GLCCI1: variants seen among roughly 807,000 people sequenced by gnomAD.
GLCCI1 encodes glucocorticoid-induced transcript 1 protein.
GLCCI1 carries 24 observed loss-of-function variants against 52.2 expected under a neutral mutation model. That is an observed-to-expected ratio of 0.46 (90% CI 0.33 to 0.65). The LOEUF (loss-of-function observed/expected upper bound fraction) is 0.65. GLCCI1 is among the 30% of genes least tolerant of loss of function. The pLI, the probability that GLCCI1 is intolerant of heterozygous loss-of-function variation, is 0.02. For synonymous variants in GLCCI1, 310 were observed against 276.5 expected (o/e 1.12, Z -1.20); for missense variants, 704 against 701.5 (o/e 1.00, Z -0.04).
chr7:8,075,974 G>GA (rs113970886), intron 6 of GLCCI1, among the ~76,000 whole-genome samples: 2,399 of 152,164 alleles, frequency 0.016, 61 homozygotes, highest in African/African-American at 0.052. Context: ...GGTCTTAGGA[G>GA]AAAAAAATCA....
At chr7:8,050,627 T>G (rs1782235709) in intron 3 of GLCCI1, among the ~76,000 whole-genome samples, 1 of 152,176 alleles carries the variant, frequency 6.6e-6, no homozygotes, top group African/African-American at 2.4e-5. Context: ...TCAGTGATTG[T>G]TTTAGGGAAG....
At chr7:8,017,916 T>C (rs528522736) in intron 2 of GLCCI1, among the ~76,000 whole-genome samples, 44 of 152,158 alleles carry the variant, frequency 2.9e-4, no homozygotes, top group Non-Finnish European at 5.6e-4. Flanking sequence ...CAAAATAATA[T>C]TTAAAGAAGT....
chr7:8,077,141 T>C (rs1020076540), intron 6 of GLCCI1, among the ~76,000 whole-genome samples: 1 of 152,184 alleles, frequency 6.6e-6, no homozygotes, highest in African/African-American at 2.4e-5. Context: ...CTGTTGGTCA[T>C]GCTGGTAACC....
At position 7,969,738 on chromosome 7, in the gene GLCCI1, C is replaced by G; in HGVS notation, c.388C>G (p.Arg130Gly). 6.9e-7 allele frequency: 1 copy of G among 1,453,594 alleles called. No homozygotes were observed. Among genetic ancestry groups the G allele is most frequent in the Admixed American group, 2.3e-5 (1 of 42,648 alleles). 90.0% of individuals were successfully genotyped at this position (1,453,594 alleles called of 1,614,324 possible). Residue 130 changes from arginine to glycine, a missense_variant, in exon 1 of 8, where the codon CGG (arginine) becomes GGG (glycine). Physicochemically the swap from Arg to Gly is moderately radical, Grantham distance 125. Coordinates refer to ENST00000223145, the MANE Select transcript of GLCCI1 (RefSeq NM_138426.4). This position sits in a 1 kb window ranked among gnomAD's most constrained non-coding sequence, Gnocchi z 4.9. ...QAPRAKGRPRRSPESHRRSSS... is the reference protein window; with the variant it reads ...QAPRAKGRPRGSPESHRRSSS... Reference sequence around the variant, plus strand: ...GCCGCGGGCCAAGGGCCGCCCGAGACGGTCCCCAGAGAGCCACCGGAGGAG... The same window carrying G: ...GCCGCGGGCCAAGGGCCGCCCGAGAGGGTCCCCAGAGAGCCACCGGAGGAG...
chr7:8,048,034 TC>T (rs1238099860), intron 3 of GLCCI1, among the ~76,000 whole-genome samples: 1 of 152,196 alleles, frequency 6.6e-6, no homozygotes, highest in African/African-American at 2.4e-5. Context: ...AGTCTCTATT[TC>T]TGACCTCTGT....
intron 3 of GLCCI1, among the ~76,000 whole-genome samples, chr7:8,049,812 A>C (rs1782217497): frequency 6.6e-6 from 1 of 152,218 alleles, no homozygotes; most frequent in East Asian, 1.9e-4. Flanking sequence ...AGAGGTTACA[A>C]ATGAAAGCTG....
intron 6 of GLCCI1, among the ~76,000 whole-genome samples, chr7:8,075,492 A>G (rs1056755398): frequency 2.0e-5 from 3 of 152,196 alleles, no homozygotes; most frequent in Admixed American, 6.5e-5. Flanking sequence ...ATCATACCCA[A>G]AATAAAGTTC....
intron 1 of GLCCI1, among the ~76,000 whole-genome samples, chr7:7,971,316 A>G (rs1004438028): frequency 3.9e-5 from 6 of 152,250 alleles, no homozygotes; most frequent in African/African-American, 7.2e-5. Flanking sequence ...GCTGTATTTT[A>G]TAGAAAAGGC....
intron 2 of GLCCI1, among the ~76,000 whole-genome samples, chr7:8,014,731 T>A (rs1209615996): frequency 6.6e-6 from 1 of 152,208 alleles, no homozygotes; most frequent in Non-Finnish European, 1.5e-5. Context: ...AAAATTTTCT[T>A]AATTTCTTCC....
At chr7:8,063,855 C>G (rs1403750346) in intron 5 of GLCCI1, among the ~76,000 whole-genome samples, 1 of 151,642 alleles carries the variant, frequency 6.6e-6, no homozygotes, top group Admixed American at 6.6e-5. Flanking sequence ...CTCCAGAGCT[C>G]AAGAATCCTC....
At position 8,029,951 on chromosome 7, in the gene GLCCI1, A is replaced by G. The variant is rs965655616; in HGVS notation, c.696+7382A>G. Among the ~76,000 whole-genome samples, 5 of 152,306 alleles carry G rather than the reference A, an allele frequency of 3.3e-5. No individual in the cohort carries two copies. The East Asian group carries it at 9.6e-4, about 29-fold the overall frequency. On this transcript the variant is annotated intron_variant, in intron 3 of 7. Transcript: ENST00000223145. Reference sequence around the variant, plus strand: ...TCATGTTCATTAATTTGAAGAATCAATATTGTTAAAATGTCTATTCTACCC... The same window carrying G: ...TCATGTTCATTAATTTGAAGAATCAGTATTGTTAAAATGTCTATTCTACCC...
intron 3 of GLCCI1, among the ~76,000 whole-genome samples, chr7:8,043,922 C>G (rs776643315): frequency 1.3e-5 from 2 of 149,058 alleles, no homozygotes; most frequent in Non-Finnish European, 3.0e-5. Flanking sequence ...CATGAAAAAT[C>G]AAAACTATTG....
At chr7:8,011,688 A>G (rs999172677) in intron 2 of GLCCI1, among the ~76,000 whole-genome samples, 3 of 152,116 alleles carry the variant, frequency 2.0e-5, no homozygotes, top group Admixed American at 1.3e-4. Context: ...ATCATAGGGT[A>G]ATTCTGTGTT....
intron 4 of GLCCI1, among the ~76,000 whole-genome samples, chr7:8,057,506 C>T (rs1043025893): frequency 2.6e-5 from 4 of 151,990 alleles, no homozygotes; most frequent in Non-Finnish European, 2.9e-5. Context: ...GCAACATTAT[C>T]GAAACAAAGT....
At chr7:8,074,697 C>T (rs950201869) in intron 6 of GLCCI1, among the ~76,000 whole-genome samples, 1 of 152,116 alleles carries the variant, frequency 6.6e-6, no homozygotes, top group Non-Finnish European at 1.5e-5. Context: ...AAAAAAGATA[C>T]TAATTCTTTC....
In GLCCI1 at chr7:8,037,853, A is replaced by G. The variant is rs143008060; in HGVS notation, c.696+15284A>G. ...ACAAGAAGATATAGCAATTCTAAAT[A>G]TATATGCACCCAATACTAGGCCACC... On this transcript the variant is annotated intron_variant, in intron 3 of 7. Coordinates refer to ENST00000223145, the MANE Select transcript of GLCCI1 (RefSeq NM_138426.4). Among the ~76,000 whole-genome samples the G allele has an allele frequency of 6.1e-3, 926 of 152,328 alleles. 12 individuals are homozygous for G. Among genetic ancestry groups the G allele is most frequent in the African/African-American group, 0.019 (795 of 41,570 alleles).
At chr7:7,996,938 C>T (rs1780949536) in intron 1 of GLCCI1, among the ~76,000 whole-genome samples, 1 of 152,204 alleles carries the variant, frequency 6.6e-6, no homozygotes, top group South Asian at 2.1e-4. Flanking sequence ...ATATTCACAA[C>T]TTGTGTCCTT....
chr7:8,069,508 G>C (rs891627363), intron 5 of GLCCI1, among the ~76,000 whole-genome samples: 6 of 152,180 alleles, frequency 3.9e-5, no homozygotes, highest in African/African-American at 7.2e-5. Context: ...GTTCAGCCAG[G>C]GGGTGGGGCA....
At position 7,996,403 on chromosome 7, in the gene GLCCI1, A is replaced by G. The variant is rs1160103018; in HGVS notation, c.458-7505A>G. Among the ~76,000 whole-genome samples, 13 of 152,290 alleles carry G rather than the reference A, an allele frequency of 8.5e-5. No individual in the cohort carries two copies. The East Asian group carries it at 2.5e-3, about 29-fold the overall frequency. ...AACGAACTTAAAAAAATCTTTTGCC[A>G]TATATGTAATTAAAAAAAAAAAGTA... On this transcript the variant is annotated intron_variant, in intron 1 of 7. Coordinates refer to ENST00000223145, the MANE Select transcript of GLCCI1 (RefSeq NM_138426.4).
Sources: allele counts gnomAD v4.1 joint callset (sites outside exome capture counted in the v4.1 genomes callset), GRCh38; gene constraint gnomAD v4.1.1; non-coding constraint Gnocchi (gnomAD v3.1); transcripts MANE v1.5; gene names NCBI Gene and HGNC (gene_info 2026-07-23, HGNC 2026-07-21).